C1QTNF3: variants seen among roughly 807,000 people sequenced by gnomAD.
The protein encoded by C1QTNF3 is complement C1q tumor necrosis factor-related protein 3.
In C1QTNF3, 26 loss-of-function variants were observed where a neutral mutation model predicts 32.6. The ratio of observed to expected loss-of-function variants is 0.80; its 90% confidence interval spans 0.58 to 1.11. The LOEUF is 1.11. Among genes scored for constraint, C1QTNF3 ranks in the 50% least tolerant of loss-of-function variants. The pLI is 0.00. For synonymous variants in C1QTNF3, 155 were observed against 146.0 expected (o/e 1.06, Z -0.44); for missense variants, 362 against 398.2 (o/e 0.91, Z 0.77).
At chr5:34,038,344 G>A (rs1392254180) in intron 1 of C1QTNF3, among the ~76,000 whole-genome samples, 2 of 152,166 alleles carry the variant, frequency 1.3e-5, no homozygotes, top group Non-Finnish European at 2.9e-5. Flanking sequence ...CAGTATGAAT[G>A]CAGATCATGA....
the C1QTNF3 span, among the ~76,000 whole-genome samples, chr5:34,219,642 C>T: frequency 6.6e-6 from 1 of 151,528 alleles, no homozygotes; most frequent in Non-Finnish European, 1.5e-5. Context: ...TTTTTACATC[C>T]AAAGAAGGTA....
chr5:34,097,004 A>G, the C1QTNF3 span, among the ~76,000 whole-genome samples: 1 of 151,694 alleles, frequency 6.6e-6, no homozygotes, highest in Non-Finnish European at 1.5e-5. Flanking sequence ...TGAAAGAATG[A>G]AGTATGAACA....
the C1QTNF3 span, among the ~76,000 whole-genome samples, chr5:34,224,725 T>C: frequency 7.2e-5 from 11 of 152,082 alleles, no homozygotes; most frequent in African/African-American, 2.4e-4. Context: ...GCATTACCAT[T>C]CAGGACATAG....
chr5:34,114,196 G>A, the C1QTNF3 span, among the ~76,000 whole-genome samples: 16 of 152,060 alleles, frequency 1.1e-4, no homozygotes, highest in Admixed American at 5.9e-4. Context: ...ACACTGTACC[G>A]TCTGCTTAAT....
chr5:34,063,092 A>C, the C1QTNF3 span, among the ~76,000 whole-genome samples: 18 of 152,186 alleles, frequency 1.2e-4, no homozygotes, highest in African/African-American at 4.3e-4. Context: ...ACTGACAACC[A>C]GGTAGTATTG....
At chr5:34,059,796 G>A in the C1QTNF3 span, among the ~76,000 whole-genome samples, 1 of 152,142 alleles carries the variant, frequency 6.6e-6, no homozygotes, top group African/African-American at 2.4e-5. Context: ...ATATAAATTG[G>A]GGTGGAGGGT....
the C1QTNF3 span, among the ~76,000 whole-genome samples, chr5:34,189,162 C>T: frequency 2.0e-5 from 3 of 150,448 alleles, no homozygotes; most frequent in South Asian, 2.1e-4. Context: ...CCCGACCTCC[C>T]AAAGTGCTAG....
the C1QTNF3 span, among the ~76,000 whole-genome samples, chr5:34,078,939 T>C: frequency 6.6e-6 from 1 of 151,556 alleles, no homozygotes; most frequent in Non-Finnish European, 1.5e-5. This position sits in a 1 kb window ranked among gnomAD's most constrained non-coding sequence, Gnocchi z 4.0. Context: ...CTGCCCCAAA[T>C]AGAAACGGAA....
At chr5:34,216,046 T>C in the C1QTNF3 span, among the ~76,000 whole-genome samples, 1 of 152,218 alleles carries the variant, frequency 6.6e-6, no homozygotes, top group South Asian at 2.1e-4. Context: ...CCGTCTTTTA[T>C]ATTCCATCTT....
At chr5:34,223,552 G>A in the C1QTNF3 span, among the ~76,000 whole-genome samples, 1 of 151,784 alleles carries the variant, frequency 6.6e-6, no homozygotes, top group East Asian at 2.0e-4. Flanking sequence ...GGATGGCTGG[G>A]TCAAATGCTA....
At chr5:34,135,130 G>C in the C1QTNF3 span, among the ~76,000 whole-genome samples, 5 of 152,160 alleles carry the variant, frequency 3.3e-5, no homozygotes, top group South Asian at 1.0e-3. Flanking sequence ...CAGCATGAAG[G>C]GCTATTGAAT....
chr5:34,022,534 C>T (rs1478393627), intron 5 of C1QTNF3, among the ~76,000 whole-genome samples: 1 of 152,178 alleles, frequency 6.6e-6, no homozygotes, highest in Non-Finnish European at 1.5e-5. Flanking sequence ...CAGGCTGTCT[C>T]CCATAGGGAC....
Position 34,018,723 on chromosome 5 carries a change from T to C in C1QTNF3, c.*1860A>G, listed in dbSNP as rs1227551547. Among the ~76,000 whole-genome samples, 2 of 152,254 alleles carry C rather than the reference T, an allele frequency of 1.3e-5. No individual in the cohort carries two copies. Among genetic ancestry groups the C allele is most frequent in the East Asian group, 3.8e-4 (2 of 5,202 alleles). On this transcript the variant is annotated 3_prime_UTR_variant, in exon 6 of 6. Transcript: ENST00000382065. ...TCCAAGGGTCAAATATAATGTTTTC[T>C]ACACTGGAAAATTACCAAGGCTGAT...
the C1QTNF3 span, among the ~76,000 whole-genome samples, chr5:34,243,677 A>G: frequency 6.6e-6 from 1 of 151,894 alleles, no homozygotes; most frequent in Admixed American, 6.6e-5. Flanking sequence ...ACATGGATGG[A>G]GCTAAGGACA....
At chr5:34,177,492 T>TA in the C1QTNF3 span, among the ~76,000 whole-genome samples, 27 of 144,410 alleles carry the variant, frequency 1.9e-4, no homozygotes, top group African/African-American at 7.1e-4. Flanking sequence ...TTTTTTTTTT[T>TA]TTTTTTTTTT....
the C1QTNF3 span, among the ~76,000 whole-genome samples, chr5:34,057,742 G>A: frequency 6.6e-6 from 1 of 152,220 alleles, no homozygotes; most frequent in Non-Finnish European, 1.5e-5. Context: ...GAGGAAGGCT[G>A]GAAGCCAGGA....
the C1QTNF3 span, among the ~76,000 whole-genome samples, chr5:34,103,795 C>T: frequency 6.7e-6 from 1 of 149,008 alleles, no homozygotes; most frequent in East Asian, 1.9e-4. Context: ...GCATTCCAGC[C>T]TGGGTGACAA....
the C1QTNF3 span, among the ~76,000 whole-genome samples, chr5:34,120,720 G>A: frequency 1.3e-5 from 2 of 152,192 alleles, no homozygotes; most frequent in Non-Finnish European, 2.9e-5. Flanking sequence ...CGCCATGTGA[G>A]ACATGCCTTT....
chr5:34,026,468 AAAAAAGAAAAG>A (rs1171441365), intron 4 of C1QTNF3, among the ~76,000 whole-genome samples: 3 of 144,302 alleles, frequency 2.1e-5, no homozygotes, highest in African/African-American at 8.1e-5. Flanking sequence ...AAAAAAAAAA[AAAAAAGAAAAG>A]AAAAGAAAAG....
Sources: gnomAD v4.1 joint callset for allele counts (sites outside exome capture counted in the v4.1 genomes callset) on GRCh38, gnomAD v4.1.1 for gene constraint, Gnocchi (gnomAD v3.1) non-coding constraint, MANE v1.5 for transcripts, NCBI Gene and HGNC (gene_info 2026-07-23, HGNC 2026-07-21) for gene names.